Variants in APPL2 observed in about 807,000 individuals in gnomAD.
APPL2 encodes the protein DCC-interacting protein 13-beta.
In APPL2, 84 loss-of-function variants were observed where a neutral mutation model predicts 92.7. The ratio of observed to expected loss-of-function variants is 0.91; its 90% confidence interval spans 0.76 to 1.09. The LOEUF is 1.09. Among genes scored for constraint, APPL2 ranks in the 50% least tolerant of loss-of-function variants. The pLI is 0.00. For synonymous variants in APPL2, 291 were observed against 291.0 expected (o/e 1.00, Z 0.00); for missense variants, 736 against 824.5 (o/e 0.89, Z 1.31).
chr12:105,186,328 G>T (rs957360950), intron 17 of APPL2, among the ~76,000 whole-genome samples: 3 of 152,016 alleles, frequency 2.0e-5, no homozygotes, highest in Non-Finnish European at 2.9e-5. Context: ...GAGCATTTGA[G>T]ATTTCCAGAT....
At chr12:105,190,550 T>G (rs939377045) in intron 14 of APPL2, among the ~76,000 whole-genome samples, 1 of 152,240 alleles carries the variant, frequency 6.6e-6, no homozygotes. Flanking sequence ...CTGGCTCTAA[T>G]TTCCCCAAAA....
At chr12:105,174,660 C>A (rs551280141) in intron 20 of APPL2, among the ~76,000 whole-genome samples, 1 of 152,154 alleles carries the variant, frequency 6.6e-6, no homozygotes, top group East Asian at 1.9e-4. Flanking sequence ...ATATTGTTTA[C>A]GTAGTCAATT....
intron 17 of APPL2, among the ~76,000 whole-genome samples, chr12:105,183,091 T>G (rs1886267967): frequency 1.3e-5 from 1 of 75,274 alleles, no homozygotes; most frequent in Non-Finnish European, 2.9e-5. Flanking sequence ...TTTTTTTTTT[T>G]TGCTTTCCAT....
intron 10 of APPL2, among the ~76,000 whole-genome samples, chr12:105,198,387 C>A (rs1887853808): frequency 6.6e-6 from 1 of 152,162 alleles, no homozygotes; most frequent in Non-Finnish European, 1.5e-5. Flanking sequence ...CTGGATTTTG[C>A]TGTAATTGAA....
At chr12:105,189,746 A>G (rs752063763) in intron 16 of APPL2, 26 bp downstream of exon 16, 19 of 1,611,558 alleles carry the variant, frequency 1.2e-5, no homozygotes, top group Non-Finnish European at 1.6e-5. Context: ...AGAGGAAAGA[A>G]TAAGGACACC....
intron 4 of APPL2, among the ~76,000 whole-genome samples, chr12:105,212,088 C>T (rs1357686303): frequency 1.5e-5 from 2 of 136,900 alleles, no homozygotes; most frequent in African/African-American, 5.5e-5. Flanking sequence ...CACTGCAGTT[C>T]AGCCTGGGTG....
chr12:105,209,594 T>TG (rs1380697374), intron 5 of APPL2, among the ~76,000 whole-genome samples: 5 of 152,162 alleles, frequency 3.3e-5, no homozygotes, highest in African/African-American at 1.2e-4. Context: ...CAAACAGACT[T>TG]GGAGTTTGTT....
Sources: allele counts gnomAD v4.1 joint callset (sites outside exome capture counted in the v4.1 genomes callset), GRCh38; gene constraint gnomAD v4.1.1; transcripts MANE v1.5; gene names NCBI Gene and HGNC (gene_info 2026-07-23, HGNC 2026-07-21).